The following LIG3 variants were observed in gnomAD, a reference collection of about 807,000 sequenced individuals.
The protein encoded by LIG3 is ligase II, DNA, ATP-dependent.
LIG3 carries 58 observed loss-of-function variants against 110.9 expected under a neutral mutation model. That is an observed-to-expected ratio of 0.52 (90% CI 0.42 to 0.65). LIG3 has a LOEUF of 0.65. LIG3 is among the 30% of genes least tolerant of loss of function. The pLI, the probability that LIG3 is intolerant of heterozygous loss-of-function variation, is 0.00. For synonymous variants in LIG3, 422 were observed against 472.8 expected (o/e 0.89, Z 1.39); for missense variants, 1,094 against 1,273.8 (o/e 0.86, Z 2.15).
chr17:34,980,743 T>A, intron 1 of LIG3, 121 bp downstream of exon 1: 3 of 437,964 alleles, frequency 6.8e-6, no homozygotes, highest in Non-Finnish European at 9.1e-6. Flanking sequence ...CCCGCCCGCC[T>A]GCGGAGCCCC....
intron 9 of LIG3, 58 bp from the exon 10 acceptor site, chr17:34,996,006 T>A (rs1279291015): frequency 6.3e-7 from 1 of 1,575,588 alleles, no homozygotes; most frequent in Non-Finnish European, 8.6e-7. Context: ...CTCCATGGCA[T>A]GGTTTGAGGT....
At chr17:34,989,091 G>A (rs1030647897) in intron 3 of LIG3, among the ~76,000 whole-genome samples, 8 of 151,882 alleles carry the variant, frequency 5.3e-5, no homozygotes, top group South Asian at 2.1e-4. Context: ...GTCCTCCCGC[G>A]TTGGCCTCGC....
chr17:34,997,490 G>A (rs991871692), intron 11 of LIG3: 3 of 459,474 alleles, frequency 6.5e-6, no homozygotes, highest in African/African-American at 2.0e-5. Context: ...CCCTTGGCTC[G>A]CTTGATGAAG....
At chr17:34,980,731 CCCCCG>C in intron 1 of LIG3, 109 bp downstream of exon 1, 1 of 533,666 alleles carries the variant, frequency 1.9e-6, no homozygotes, top group Non-Finnish European at 2.4e-6. Context: ...CCCGGCTCCT[CCCCCG>C]CCCGCCTGCG....
Position 35,005,008 on chromosome 17 carries a change from C to T in LIG3, c.*502C>T, listed in dbSNP as rs78835883. On this transcript the variant is annotated 3_prime_UTR_variant, in exon 20 of 20. Transcript: ENST00000378526. ...AGCGGAACTTGTATTCAGCCTGACACGCTTTGCCAGGAACAAACCTCATGT... is the reference window on the plus strand; with the variant it reads ...AGCGGAACTTGTATTCAGCCTGACATGCTTTGCCAGGAACAAACCTCATGT... The T allele has an allele frequency of 5.2e-4, 155 of 297,262 alleles. 1 individual carries two copies. In the East Asian group the frequency reaches 0.011, roughly 21 times the overall value. 18.4% of individuals were successfully genotyped at this position (297,262 alleles called of 1,614,324 possible).
chr17:35,007,623 T>C lies in LIG3; in HGVS notation c.*3117T>C, dbSNP rs892825590. On this transcript the variant is annotated 3_prime_UTR_variant, in exon 20 of 20. Transcript: ENST00000378526. ...CACAGCAGATGGACACATAATCTTG[T>C]TCTCCCAGGGGCTGCATTCTCAGTA... 3 of 152,310 alleles carry C rather than the reference T, an allele frequency of 2.0e-5. No homozygotes were observed. Among genetic ancestry groups the C allele is most frequent in the Admixed American group, 1.3e-4 (2 of 15,282 alleles). The allele number at this position is 152,310 out of a possible 1,614,324, so 9.4% of individuals were successfully genotyped here. A position where few individuals can be genotyped will look rare whatever the true frequency, so the allele number is the denominator to read the frequency against.
At chr17:34,992,133 TC>T (rs2090728756) in intron 7 of LIG3, 98 bp downstream of exon 7, 26 of 1,031,162 alleles carry the variant, frequency 2.5e-5, no homozygotes, top group Non-Finnish European at 3.6e-5. Flanking sequence ...AGGATTTGAA[TC>T]CCCCTTCCAC....
At position 34,997,735 on chromosome 17, in the gene LIG3, C is replaced by T. The variant is rs1414551902; in HGVS notation, c.1824-3C>T. Reference sequence around the variant, plus strand: ...CTAACCTCAGCTCTCCTGTTCTCCTCAGACCTCTGTGTGAGCGGCGGAAGT... The same window carrying T: ...CTAACCTCAGCTCTCCTGTTCTCCTTAGACCTCTGTGTGAGCGGCGGAAGT... On this transcript the variant is annotated splice_polypyrimidine_tract_variant and splice_region_variant and intron_variant, in intron 11 of 19. Coordinates refer to ENST00000378526, the MANE Select transcript of LIG3 (RefSeq NM_013975.4). The T allele has an allele frequency of 6.2e-7, 1 of 1,612,686 alleles. No individual in the cohort carries two copies. Among genetic ancestry groups the T allele is most frequent in the South Asian group, 1.1e-5 (1 of 91,040 alleles).
Position 35,005,396 on chromosome 17 carries a change from G to C in LIG3, c.*890G>C, listed in dbSNP as rs754924583. On this transcript the variant is annotated 3_prime_UTR_variant, in exon 20 of 20. Transcript: ENST00000378526. ...GCTGCACATGCCATCAGCCATGACTGTGTATGCTCTGGTGGTGGTGTCTTA... is the reference window on the plus strand; with the variant it reads ...GCTGCACATGCCATCAGCCATGACTCTGTATGCTCTGGTGGTGGTGTCTTA... 3.6e-6 allele frequency: 2 copies of C among 559,348 alleles called. No homozygotes were observed. The highest frequency in any genetic ancestry group is 7.2e-6 in the Non-Finnish European group (2 of 275,944). The allele number at this position is 559,348 out of a possible 1,614,324, so 34.6% of individuals were successfully genotyped here.
Position 35,005,636 on chromosome 17 carries a change from A to C in LIG3, c.*1130A>C. On this transcript the variant is annotated 3_prime_UTR_variant, in exon 20 of 20. Transcript: ENST00000378526. Reference sequence around the variant, plus strand: ...AATGCACCAAATATCCCAAAACTCAATCGATTTTTTTTCTTCTATTCATTG... The same window carrying C: ...AATGCACCAAATATCCCAAAACTCACTCGATTTTTTTTCTTCTATTCATTG... 1.7e-6 allele frequency: 1 copy of C among 573,804 alleles called. No homozygotes were observed. The highest frequency in any genetic ancestry group is 3.5e-6 in the Non-Finnish European group (1 of 284,972). 35.5% of individuals were successfully genotyped at this position (573,804 alleles called of 1,614,324 possible).
At chr17:34,998,406 G>A in intron 13 of LIG3, 110 bp downstream of exon 13, 1 of 1,143,466 alleles carries the variant, frequency 8.7e-7, no homozygotes, top group Non-Finnish European at 1.3e-6. Context: ...TGGTTGGGGT[G>A]GCTGCTGGGG....
intron 1 of LIG3, 31 bp from the exon 2 acceptor site, chr17:34,982,971 T>TC: frequency 6.8e-7 from 1 of 1,471,316 alleles, no homozygotes; most frequent in Middle Eastern, 1.8e-4. Flanking sequence ...ATCTTTTTTT[T>TC]TTTTTTTTGG....
intron 9 of LIG3, 127 bp from the exon 10 acceptor site, chr17:34,995,937 G>T (rs1393601337): frequency 7.7e-6 from 9 of 1,174,668 alleles, no homozygotes; most frequent in Non-Finnish European, 1.1e-5. Flanking sequence ...TATATGTTTT[G>T]CACATTAGCT....
At chr17:35,001,656 G>A (rs1254586965) in intron 17 of LIG3, among the ~76,000 whole-genome samples, 2 of 152,108 alleles carry the variant, frequency 1.3e-5, no homozygotes, top group African/African-American at 2.4e-5. Context: ...TTTAGTCTGG[G>A]GAATAAGAGT....
At chr17:34,998,857 G>A in intron 14 of LIG3, 130 bp downstream of exon 14, 1 of 1,192,180 alleles carries the variant, frequency 8.4e-7, no homozygotes, top group Non-Finnish European at 1.2e-6. Flanking sequence ...AGGATCTAGG[G>A]CCCCAAGCTG....
chr17:35,002,844 C>A, intron 19 of LIG3, 55 bp downstream of exon 19: 1 of 1,571,522 alleles, frequency 6.4e-7, no homozygotes, highest in Admixed American at 1.8e-5. Flanking sequence ...AGGTTGTGTT[C>A]CCAACCTTCT....
intron 9 of LIG3, 87 bp downstream of exon 9, chr17:34,994,518 C>A: frequency 7.6e-7 from 1 of 1,313,460 alleles, no homozygotes; most frequent in Non-Finnish European, 1.1e-6. Context: ...GCCATTCCAG[C>A]TGTGGTACAC....
chr17:35,002,790 G>A lies in LIG3; in HGVS notation c.2796+1G>A. On this transcript the variant is annotated splice_donor_variant, in intron 19 of 19. Coordinates refer to ENST00000378526, the MANE Select transcript of LIG3 (RefSeq NM_013975.4). LOFTEE classifies it high-confidence loss of function. ...TGATGAGACGCTGTGCCAAACAAAG[G>A]TGAGGGTAAAAACAGCAACACACCA... The A allele has an allele frequency of 6.3e-7, 1 of 1,595,678 alleles. No individual in the cohort carries two copies. Among genetic ancestry groups the A allele is most frequent in the Non-Finnish European group, 8.6e-7 (1 of 1,169,108 alleles).
rs1035437592 is a variant in LIG3, at chr17:34,980,657, G to A, written c.-5+35G>A. On this transcript the variant is annotated intron_variant, in intron 1 of 19. Transcript: ENST00000378526. ...TACGCGGCGCGGCACGGCGCGGCGG[G>A]GCCCGGCGTGGGGAAGGCAGCGGGC... is the stretch of plus-strand genomic sequence containing the variant. The A allele has an allele frequency of 3.5e-6, 4 of 1,156,048 alleles. No homozygotes were observed. The Admixed American group carries it at 9.7e-5, about 28-fold the overall frequency. The allele number at this position is 1,156,048 out of a possible 1,614,324, so 71.6% of individuals were successfully genotyped here.
Sources: gnomAD v4.1 joint callset for allele counts (sites outside exome capture counted in the v4.1 genomes callset) on GRCh38, gnomAD v4.1.1 for gene constraint, MANE v1.5 for transcripts, NCBI Gene and HGNC (gene_info 2026-07-23, HGNC 2026-07-21) for gene names.